PPARGC1A: variants seen among roughly 807,000 people sequenced by gnomAD.
The protein encoded by PPARGC1A is PPARG coactivator 1 alpha.
A neutral mutation model predicts 88.7 loss-of-function variants in PPARGC1A; 25 were observed. That is an observed-to-expected ratio of 0.28 (90% CI 0.21 to 0.39). The LOEUF (loss-of-function observed/expected upper bound fraction) is 0.39. Ranked by LOEUF, PPARGC1A falls within the 10% of genes least tolerant of loss-of-function variation. The probability of loss-of-function intolerance (pLI) is 1.00; values close to 1 mark genes in which losing one functional copy is unlikely to be tolerated. For synonymous variants in PPARGC1A, 363 were observed against 355.6 expected (o/e 1.02, Z -0.24); for missense variants, 880 against 968.7 (o/e 0.91, Z 1.22).
chr4:24,462,406 T>C, the PPARGC1A span, among the ~76,000 whole-genome samples: 2 of 151,976 alleles, frequency 1.3e-5, no homozygotes, highest in Non-Finnish European at 2.9e-5. Flanking sequence ...CAGCATGTTT[T>C]ATTTGTCCTT....
At chr4:24,068,593 G>T in the PPARGC1A span, among the ~76,000 whole-genome samples, 1 of 152,198 alleles carries the variant, frequency 6.6e-6, no homozygotes, top group Admixed American at 6.5e-5. Context: ...TTCAGGGTTT[G>T]TGTGTGTATA....
At chr4:24,067,621 T>C in the PPARGC1A span, among the ~76,000 whole-genome samples, 1 of 152,320 alleles carries the variant, frequency 6.6e-6, no homozygotes. Context: ...CAGGTTTAGC[T>C]AGAGGGAAAG....
chr4:24,372,984 G>C, the PPARGC1A span, among the ~76,000 whole-genome samples: 2 of 152,156 alleles, frequency 1.3e-5, no homozygotes, highest in Non-Finnish European at 2.9e-5. Context: ...ACACCAGCCC[G>C]GGGGACACTT....
the PPARGC1A span, among the ~76,000 whole-genome samples, chr4:24,117,052 A>G: frequency 4.6e-5 from 7 of 152,136 alleles, no homozygotes; most frequent in Non-Finnish European, 1.0e-4. Flanking sequence ...TTGGTAAAAA[A>G]AAAAAAATCA....
chr4:23,963,209 T>C, the PPARGC1A span, among the ~76,000 whole-genome samples: 1 of 152,204 alleles, frequency 6.6e-6, no homozygotes, highest in African/African-American at 2.4e-5. Flanking sequence ...CTTTTATGAT[T>C]GTTCGTCAAA....
chr4:24,208,681 AAATAT>A, the PPARGC1A span, among the ~76,000 whole-genome samples: 1 of 142,312 alleles, frequency 7.0e-6, no homozygotes, highest in African/African-American at 2.6e-5. Context: ...CTCAGAAAAA[AAATAT>A]ATATATATAT....
the PPARGC1A span, among the ~76,000 whole-genome samples, chr4:24,024,619 T>C: frequency 6.6e-6 from 1 of 152,184 alleles, no homozygotes; most frequent in Non-Finnish European, 1.5e-5. Context: ...TCCAGGTCTT[T>C]CTCAAAGACA....
the PPARGC1A span, among the ~76,000 whole-genome samples, chr4:23,933,708 C>T: frequency 6.6e-6 from 1 of 152,194 alleles, no homozygotes; most frequent in African/African-American, 2.4e-5. Context: ...TATAAATCAT[C>T]CCTGCCCACT....
At chr4:24,135,079 C>T in the PPARGC1A span, among the ~76,000 whole-genome samples, 1 of 152,168 alleles carries the variant, frequency 6.6e-6, no homozygotes, top group African/African-American at 2.4e-5. Flanking sequence ...CAGTGCCAAC[C>T]TTTTCCTCTT....
At chr4:24,325,374 C>T in the PPARGC1A span, among the ~76,000 whole-genome samples, 1 of 152,164 alleles carries the variant, frequency 6.6e-6, no homozygotes, top group Admixed American at 6.5e-5. Context: ...AATTCCTTGC[C>T]TCCACTGTGA....
the PPARGC1A span, among the ~76,000 whole-genome samples, chr4:24,338,138 C>A: frequency 1.3e-5 from 2 of 152,104 alleles, no homozygotes; most frequent in African/African-American, 2.4e-5. Context: ...CGGGGCCCTG[C>A]CTTCTTTGTC....
At chr4:24,143,631 T>C in the PPARGC1A span, among the ~76,000 whole-genome samples, 16 of 151,510 alleles carry the variant, frequency 1.1e-4, no homozygotes, top group African/African-American at 3.4e-4. Context: ...GATAGATAGA[T>C]AGATGATAGA....
At chr4:23,833,725 A>C (rs1189690942) in intron 2 of PPARGC1A, among the ~76,000 whole-genome samples, 1 of 152,242 alleles carries the variant, frequency 6.6e-6, no homozygotes, top group East Asian at 1.9e-4. Flanking sequence ...AGTAAAACTA[A>C]GGACTTCTTT....
chr4:24,003,367 C>T, the PPARGC1A span, among the ~76,000 whole-genome samples: 1 of 152,050 alleles, frequency 6.6e-6, no homozygotes, highest in African/African-American at 2.4e-5. Flanking sequence ...ATATTTTTAA[C>T]AATACCTAAG....
chr4:24,082,077 T>G, the PPARGC1A span, among the ~76,000 whole-genome samples: 33 of 152,242 alleles, frequency 2.2e-4, no homozygotes, highest in Non-Finnish European at 3.8e-4. Flanking sequence ...TCATATTTAT[T>G]GTTCACCCGA....
At position 23,802,210 on chromosome 4, in the gene PPARGC1A, T is replaced by C. The variant is rs1324365169; in HGVS notation, c.2141+14A>G. ...GTCAGCTTCTAAACAAGAAATAATCTTGAAGATTCTCACCCATCATCCCGC... is the reference window on the plus strand; with the variant it reads ...GTCAGCTTCTAAACAAGAAATAATCCTGAAGATTCTCACCCATCATCCCGC... On this transcript the variant is annotated intron_variant, in intron 11 of 12. Transcript: ENST00000264867. 6.2e-7 allele frequency: 1 copy of C among 1,613,964 alleles called. No homozygotes were observed. Among genetic ancestry groups the C allele is most frequent in the Admixed American group, 1.7e-5 (1 of 59,986 alleles).
chr4:24,023,115 T>A, the PPARGC1A span, among the ~76,000 whole-genome samples: 141,853 of 152,222 alleles, frequency 0.93, 66,145 homozygotes, highest in Admixed American at 0.95. Context: ...TGTATCATTA[T>A]TCATGATTTT....
the PPARGC1A span, among the ~76,000 whole-genome samples, chr4:23,985,513 T>C: frequency 5.3e-5 from 8 of 151,322 alleles, no homozygotes; most frequent in Non-Finnish European, 1.0e-4. Context: ...ACTGTGGGCA[T>C]TGATTCTCAG....
the PPARGC1A span, among the ~76,000 whole-genome samples, chr4:23,935,489 T>TC: frequency 6.6e-6 from 1 of 152,306 alleles, no homozygotes; most frequent in Admixed American, 6.5e-5. Flanking sequence ...TGTTAGTAGA[T>TC]ATCAATTTTT....
Sources: allele counts gnomAD v4.1 joint callset (sites outside exome capture counted in the v4.1 genomes callset), GRCh38; gene constraint gnomAD v4.1.1; transcripts MANE v1.5; gene names NCBI Gene and HGNC (gene_info 2026-07-23, HGNC 2026-07-21).